CDK1: variants seen among roughly 807,000 people sequenced by gnomAD.
CDK1 encodes the protein cyclin dependent kinase 1.
CDK1 carries 5 observed loss-of-function variants against 34.6 expected under a neutral mutation model. The ratio of observed to expected loss-of-function variants is 0.14; its 90% confidence interval spans 0.08 to 0.30. The LOEUF is 0.30. Ranked by LOEUF, CDK1 falls within the 10% of genes least tolerant of loss-of-function variation. CDK1 has a pLI of 1.00. For synonymous variants in CDK1, 108 were observed against 114.7 expected, an observed-to-expected ratio of 0.94 and a Z score of 0.37; for missense variants, 157 against 345.7, an observed-to-expected ratio of 0.45 and a Z score of 4.33.
chr10:60,792,937 T>C (rs1481568005), intron 7 of CDK1, among the ~76,000 whole-genome samples: 1 of 152,140 alleles, frequency 6.6e-6, no homozygotes, highest in Non-Finnish European at 1.5e-5. Flanking sequence ...TTTAGTGGCA[T>C]GTCATCACTG....
intron 5 of CDK1, among the ~76,000 whole-genome samples, chr10:60,790,876 G>A (rs916377724): frequency 1.3e-5 from 2 of 152,012 alleles, no homozygotes; most frequent in Non-Finnish European, 2.9e-5. Flanking sequence ...ATTTTGTTCT[G>A]TTGGTCTCTG....
intron 2 of CDK1, among the ~76,000 whole-genome samples, chr10:60,783,125 TG>T (rs1241035991): frequency 5.3e-5 from 8 of 152,294 alleles, no homozygotes; most frequent in African/African-American, 1.2e-4. Flanking sequence ...CTACTTTTTG[TG>T]TTTAATGAGA....
chr10:60,788,294 T>C (rs2080332469), intron 5 of CDK1, 64 bp downstream of exon 5: 5 of 1,141,730 alleles, frequency 4.4e-6, no homozygotes, highest in Middle Eastern at 2.1e-4. Context: ...ATTTTCTGTA[T>C]TTGTGAAAGT....
intron 4 of CDK1, among the ~76,000 whole-genome samples, chr10:60,787,341 A>G (rs911515074): frequency 5.9e-5 from 9 of 152,112 alleles, no homozygotes; most frequent in Non-Finnish European, 1.2e-4. Flanking sequence ...AGGTGTGTTC[A>G]ATGCATTTCG....
intron 4 of CDK1, 166 bp downstream of exon 4, chr10:60,785,953 C>T: frequency 8.2e-7 from 1 of 1,217,652 alleles, no homozygotes. Flanking sequence ...TAGAGATACC[C>T]ATGTTATTAC....
At chr10:60,785,616 G>C (rs1278173149) in intron 3 of CDK1, 48 bp from the exon 4 acceptor site, 3 of 1,193,806 alleles carry the variant, frequency 2.5e-6, no homozygotes, top group African/African-American at 3.1e-5. Context: ...TGAAACAGAG[G>C]TCAAAAATGT....
At chr10:60,791,783 G>A (rs1232986101) in intron 5 of CDK1, 107 bp from the exon 6 acceptor site, 1 of 539,866 alleles carries the variant, frequency 1.9e-6, no homozygotes, top group Non-Finnish European at 3.2e-6. Context: ...ATTATTGGTG[G>A]CAGTCATACA....
chr10:60,786,751 G>GA, intron 4 of CDK1: 1 of 524,034 alleles, frequency 1.9e-6, no homozygotes, highest in Non-Finnish European at 2.4e-6. Flanking sequence ...TTAACTATGT[G>GA]AAAAAGGCAT....
chr10:60,785,682 G>T lies in CDK1; in HGVS notation c.213G>T (p.Met71Ile). 1 of 1,604,968 alleles carries T rather than the reference G, an allele frequency of 6.2e-7. No individual in the cohort carries two copies. The highest frequency in any genetic ancestry group is 8.5e-7 in the Non-Finnish European group (1 of 1,174,432). The change falls in exon 4 of 8, where the codon ATG (methionine) becomes ATT (isoleucine). Residue 71 changes from methionine (M) to isoleucine (I), a missense_variant. Around this residue, in one of 3 missense-constraint regions of CDK1, gnomAD observed 53 missense variants for 89.2 expected, o/e 0.59. Coordinates refer to ENST00000395284, the MANE Select transcript of CDK1 (RefSeq NM_001786.5). ...TCCCCAGTCTTCAGGATGTGCTTAT[G>T]CAGGATTCCAGGTTATATCTCATCT... ...PNIVSLQDVLMQDSRLYLIFE... is the reference protein window; with the variant it reads ...PNIVSLQDVLIQDSRLYLIFE...
chr10:60,787,531 A>G (rs1271594205), intron 4 of CDK1: 1 of 152,110 alleles, frequency 6.6e-6, no homozygotes, highest in Non-Finnish European at 1.5e-5. Flanking sequence ...GATGTCAATG[A>G]CATTGTCTTT....
At chr10:60,786,745 C>T (rs2080319556) in intron 4 of CDK1, 1 of 452,594 alleles carries the variant, frequency 2.2e-6, no homozygotes, top group South Asian at 9.4e-5. Context: ...AATCTGTTAA[C>T]TATGTGAAAA....
chr10:60,783,977 A>G (rs1007194919), intron 2 of CDK1, among the ~76,000 whole-genome samples: 6 of 152,232 alleles, frequency 3.9e-5, no homozygotes, highest in African/African-American at 1.4e-4. Flanking sequence ...TGAAAAGCAT[A>G]AAGCACTCTA....
upstream of CDK1, chr10:60,778,448 C>T (rs1224259708): frequency 6.6e-6 from 1 of 152,258 alleles, no homozygotes; most frequent in Non-Finnish European, 1.5e-5. Context: ...GAATCCGGGG[C>T]CCTTTAGCGC....
chr10:60,785,748 T>C lies in CDK1; in HGVS notation c.279T>C (p.Ser93=), dbSNP rs770857106. ...TGGATCTGAAGAAATACTTGGATTC[T>C]ATCCCTCCTGGTCAGTACATGGATT... The part of the protein sequence containing the change: ...LSMDLKKYLD[S]IPPGQYMDSS... The change falls in exon 4 of 8, where the codon TCT becomes TCC. Residue 93 remains serine, a synonymous_variant. Coordinates refer to ENST00000395284, the MANE Select transcript of CDK1 (RefSeq NM_001786.5). 3.1e-6 allele frequency: 5 copies of C among 1,607,540 alleles called. No homozygotes were observed. Among genetic ancestry groups the C allele is most frequent in the Non-Finnish European group, 4.3e-6 (5 of 1,174,458 alleles).
At chr10:60,784,633 GA>G (rs547364646) in intron 2 of CDK1, 71 bp from the exon 3 acceptor site, 33,981 of 961,310 alleles carry the variant, frequency 0.035, no homozygotes, top group South Asian at 0.047. Flanking sequence ...CTGCCATAAG[GA>G]AAAAAAAAAA....
intron 5 of CDK1, among the ~76,000 whole-genome samples, chr10:60,791,338 T>G (rs1419242065): frequency 6.6e-6 from 1 of 152,180 alleles, no homozygotes; most frequent in Non-Finnish European, 1.5e-5. Context: ...AAACTATTAA[T>G]TTTTGTATGC....
At chr10:60,786,425 CTA>C (rs2080316834) in intron 4 of CDK1, 1 of 701,974 alleles carries the variant, frequency 1.4e-6, no homozygotes. Flanking sequence ...GTAGATCTAC[CTA>C]TGTCTATTTA....
intron 4 of CDK1, chr10:60,786,988 C>T: frequency 1.0e-6 from 1 of 981,262 alleles, no homozygotes; most frequent in Non-Finnish European, 1.2e-6. Flanking sequence ...GTCTTCCACA[C>T]ATACTTTTTT....
chr10:60,792,247 C>A lies in CDK1; in HGVS notation c.753C>A (p.Ser251=). 1 of 1,611,926 alleles carries A rather than the reference C, an allele frequency of 6.2e-7. No individual in the cohort carries two copies. Among genetic ancestry groups the A allele is most frequent in the Admixed American group, 1.7e-5 (1 of 59,658 alleles). The part of the protein sequence containing the change: ...FPKWKPGSLA[S]HVKNLDENGL... ...AATGGAAACCAGGAAGCCTAGCATCCCATGTCAAAAACTTGGATGAAAATG... is the reference window on the plus strand; with the variant it reads ...AATGGAAACCAGGAAGCCTAGCATCACATGTCAAAAACTTGGATGAAAATG... Residue 251 remains serine, a synonymous_variant, in exon 7 of 8, where the codon TCC becomes TCA. Coordinates refer to ENST00000395284, the MANE Select transcript of CDK1 (RefSeq NM_001786.5).
Sources: allele counts gnomAD v4.1 joint callset (sites outside exome capture counted in the v4.1 genomes callset), GRCh38; gene constraint gnomAD v4.1.1; regional missense constraint gnomAD v4.1.1; transcripts MANE v1.5; gene names NCBI Gene and HGNC (gene_info 2026-07-23, HGNC 2026-07-21).